Variants in IQANK1 observed in about 807,000 individuals in gnomAD.
IQANK1 encodes the protein IQ motif and ankyrin repeat containing 1.
In IQANK1, 30 loss-of-function variants were observed where a neutral mutation model predicts 22.6. That is an observed-to-expected ratio of 1.33 (90% CI 0.99 to 1.80). IQANK1 has a LOEUF of 1.80. Among genes scored for constraint, IQANK1 ranks in the 40% most tolerant of loss-of-function variants. IQANK1 has a pLI of 0.00. For synonymous variants in IQANK1, 122 were observed against 99.6 expected (o/e 1.23, Z -1.34); for missense variants, 275 against 235.2 (o/e 1.17, Z -1.11).
At chr8:143,751,130 TC>T (rs1819180765) in intron 3 of IQANK1, among the ~76,000 whole-genome samples, 1 of 152,170 alleles carries the variant, frequency 6.6e-6, no homozygotes, top group Non-Finnish European at 1.5e-5. Flanking sequence ...AAAACTCTGT[TC>T]CTTTACAGCT....
intron 3 of IQANK1, among the ~76,000 whole-genome samples, chr8:143,751,038 G>T (rs941291691): frequency 1.9e-4 from 29 of 150,276 alleles, no homozygotes; most frequent in Middle Eastern, 3.4e-3. Context: ...TTTCTTTGTG[G>T]TTACTATGGG....
intron 3 of IQANK1, among the ~76,000 whole-genome samples, chr8:143,761,257 C>G (rs1419606898): frequency 2.7e-4 from 41 of 152,298 alleles, no homozygotes; most frequent in Admixed American, 2.3e-3. Flanking sequence ...CCGCGCCAGC[C>G]TAGTGGCGGG....
chr8:143,741,535 TC>T (rs1343886691), intron 3 of IQANK1, among the ~76,000 whole-genome samples: 3 of 152,254 alleles, frequency 2.0e-5, no homozygotes, highest in Non-Finnish European at 4.4e-5. Flanking sequence ...CAGGGGGGAT[TC>T]TACACATGTG....
intron 7 of IQANK1, among the ~76,000 whole-genome samples, chr8:143,785,448 G>T (rs1469732462): frequency 6.6e-6 from 1 of 151,924 alleles, no homozygotes; most frequent in Non-Finnish European, 1.5e-5. Context: ...TAGAGATGGG[G>T]TTTTGCCATG....
intron 7 of IQANK1, among the ~76,000 whole-genome samples, chr8:143,788,561 C>T (rs546759823): frequency 2.0e-5 from 3 of 152,358 alleles, no homozygotes; most frequent in East Asian, 3.9e-4. Context: ...GCAGCAGTGG[C>T]ACCCAAGGCC....
Position 143,764,327 on chromosome 8 carries a change from C to T in IQANK1, c.176-7161C>T, listed in dbSNP as rs547103516. 5.9e-5 allele frequency among the ~76,000 whole-genome samples: 9 copies of T among 152,132 alleles called. No homozygotes were observed. In the South Asian group the frequency reaches 1.0e-3, roughly 18 times the overall value. On this transcript the variant is annotated intron_variant, in intron 3 of 13. Transcript: ENST00000527139. The stretch of plus-strand genomic sequence containing the variant: ...TATCCCAGTATTCAGAAATAACAAA[C>T]GTGCAGACCAGGCGCAGTGGCTCCT...
In IQANK1 at chr8:143,774,512, G is replaced by A. The variant is rs1323793488; in HGVS notation, c.789+2030G>A. Among the ~76,000 whole-genome samples the A allele has an allele frequency of 6.6e-6, 1 of 152,196 alleles. No homozygotes were observed. Among genetic ancestry groups the A allele is most frequent in the Non-Finnish European group, 1.5e-5 (1 of 68,036 alleles). On this transcript the variant is annotated intron_variant, in intron 7 of 13. Coordinates refer to ENST00000527139, the MANE Select transcript of IQANK1 (RefSeq NM_001381874.1). The surrounding 1 kb of genome is among the most constrained non-coding windows in gnomAD (Gnocchi z 4.2). Reference sequence around the variant, plus strand: ...TCAAACTAGAGCTGGAGCCGAACGAGGGCAGGGATGTGGGGAAGCTGGCCC... The same window carrying A: ...TCAAACTAGAGCTGGAGCCGAACGAAGGCAGGGATGTGGGGAAGCTGGCCC...
chr8:143,752,682 C>T (rs527492125), intron 3 of IQANK1, among the ~76,000 whole-genome samples: 1 of 152,024 alleles, frequency 6.6e-6, no homozygotes, highest in Non-Finnish European at 1.5e-5. Context: ...AAATACTTAC[C>T]ATTGTGTTAT....
intron 10 of IQANK1, 105 bp from the exon 11 acceptor site, chr8:143,789,656 G>A (rs567518938): frequency 1.2e-4 from 141 of 1,209,948 alleles, no homozygotes; most frequent in East Asian, 7.6e-4. Context: ...GTCACCAGCC[G>A]ACAGTGGCCT....
Position 143,735,688 on chromosome 8 carries a change from G to A in IQANK1, c.-4-162G>A, listed in dbSNP as rs934129180. Among the ~76,000 whole-genome samples the A allele has an allele frequency of 2.6e-5, 4 of 152,162 alleles. No individual in the cohort carries two copies. The highest frequency in any genetic ancestry group is 2.1e-4 in the South Asian group (1 of 4,830). On this transcript the variant is annotated intron_variant, in intron 1 of 13. Transcript: ENST00000527139. This position sits in a 1 kb window ranked among gnomAD's most constrained non-coding sequence, Gnocchi z 5.2. ...AAGCTTCTGGGCACACACCCGGGGC[G>A]GGCAGGCAGACAGGACACCAGCTGG... is the stretch of plus-strand genomic sequence containing the variant.
intron 2 of IQANK1, among the ~76,000 whole-genome samples, chr8:143,737,964 G>A (rs1818787675): frequency 1.3e-5 from 2 of 152,198 alleles, no homozygotes; most frequent in South Asian, 4.1e-4. Context: ...TGCCCAGCAA[G>A]GACCAGCACC....
intron 3 of IQANK1, among the ~76,000 whole-genome samples, chr8:143,769,256 C>T (rs1375817420): frequency 1.3e-5 from 2 of 151,996 alleles, no homozygotes; most frequent in African/African-American, 4.8e-5. Context: ...ACAGGGGTCT[C>T]CCTACGTGGC....
At chr8:143,751,719 CAT>C (rs1228336682) in intron 3 of IQANK1, among the ~76,000 whole-genome samples, 2 of 131,324 alleles carry the variant, frequency 1.5e-5, no homozygotes, top group East Asian at 2.2e-4. Context: ...AAGTTACCCA[CAT>C]GTTTATCTTT....
At chr8:143,751,625 AGTG>A (rs1164738426) in intron 3 of IQANK1, among the ~76,000 whole-genome samples, 3 of 95,996 alleles carry the variant, frequency 3.1e-5, no homozygotes, top group Admixed American at 1.4e-4. Flanking sequence ...AAAAAAAAAA[AGTG>A]TGTGTGTGTG....
At chr8:143,788,817 G>A (rs1350893632) in intron 7 of IQANK1, 98 bp from the exon 8 acceptor site, 9 of 398,030 alleles carry the variant, frequency 2.3e-5, no homozygotes, top group Non-Finnish European at 4.0e-5. Context: ...TCTGCATAAT[G>A]GCACCCTTTC....
intron 7 of IQANK1, among the ~76,000 whole-genome samples, chr8:143,783,200 C>A (rs1332968046): frequency 2.0e-5 from 3 of 152,196 alleles, no homozygotes; most frequent in Non-Finnish European, 4.4e-5. Context: ...AGTTTATCCA[C>A]TCCCACTGAC....
intron 3 of IQANK1, among the ~76,000 whole-genome samples, chr8:143,751,660 G>GTATATATATATA (rs1440239363): frequency 4.3e-4 from 19 of 44,022 alleles, no homozygotes; most frequent in South Asian, 2.8e-3. Flanking sequence ...GTGTGTGTGT[G>GTATATATATATA]TGTGTATATA....
intron 2 of IQANK1, among the ~76,000 whole-genome samples, chr8:143,737,930 T>TC (rs1272172571): frequency 1.3e-5 from 2 of 152,076 alleles, no homozygotes; most frequent in Non-Finnish European, 2.9e-5. Context: ...CGGCATGGGG[T>TC]CCCCTGCTCC....
At chr8:143,764,829 G>C (rs1819457199) in intron 3 of IQANK1, among the ~76,000 whole-genome samples, 1 of 152,018 alleles carries the variant, frequency 6.6e-6, no homozygotes, top group Non-Finnish European at 1.5e-5. Context: ...TGAACCTCAA[G>C]GAATTGCTGG....
Sources: allele counts gnomAD v4.1 joint callset (sites outside exome capture counted in the v4.1 genomes callset), GRCh38; gene constraint gnomAD v4.1.1; non-coding constraint Gnocchi (gnomAD v3.1); transcripts MANE v1.5; gene names NCBI Gene and HGNC (gene_info 2026-07-23, HGNC 2026-07-21).